The following HYAL1 variants were observed in gnomAD, a reference collection of about 807,000 sequenced individuals.
The protein encoded by HYAL1 is hyaluronidase-1.
In HYAL1, 21 loss-of-function variants were observed where a neutral mutation model predicts 28.8. The ratio of observed to expected loss-of-function variants is 0.73; its 90% CI spans 0.52 to 1.05. The LOEUF is 1.05. Among genes scored for constraint, HYAL1 ranks in the 50% least tolerant of loss-of-function variants. HYAL1 has a pLI of 0.00. For missense variants in HYAL1, 491 were observed against 579.2 expected, an observed-to-expected ratio of 0.85 and a Z score of 1.56; for synonymous variants, 200 against 230.1, an observed-to-expected ratio of 0.87 and a Z score of 1.18.
Position 50,300,457 on chromosome 3 carries a change from A to G in HYAL1, c.*26T>C, listed in dbSNP as rs199840894. On this transcript the variant is annotated 3_prime_UTR_variant, in exon 4 of 4. Transcript: ENST00000395144. Reference sequence around the variant, plus strand: ...AGACCCAGAGTGCATTAGGTTCTCAATATGTGCAACTCAGTGTGTGGCCAA... The same window carrying G: ...AGACCCAGAGTGCATTAGGTTCTCAGTATGTGCAACTCAGTGTGTGGCCAA... 4 of 1,613,048 alleles carry G rather than the reference A, an allele frequency of 2.5e-6. No homozygotes were observed. In the Admixed American group the frequency reaches 5.0e-5, roughly 20 times the overall value.
At chr3:50,305,629 G>A (rs936217149), upstream of HYAL1, among the ~76,000 whole-genome samples, 4 of 150,380 alleles carry the variant, frequency 2.7e-5, no homozygotes, top group East Asian at 1.9e-4. Flanking sequence ...TCTGGCTCCC[G>A]GGTTCAAGCG....
chr3:50,300,856 C>T (rs782454743), intron 3 of HYAL1, 56 bp from the exon 4 acceptor site: 46 of 1,580,802 alleles, frequency 2.9e-5, no homozygotes, highest in Non-Finnish European at 3.8e-5. Flanking sequence ...TGGACCCACC[C>T]AGGGCACTGA....
intron 3 of HYAL1, 46 bp downstream of exon 3, chr3:50,300,942 C>CGGGGGGGGGGGGGGGGGGGG: frequency 1.9e-6 from 1 of 535,866 alleles, no homozygotes; most frequent in Non-Finnish European, 3.6e-6. Context: ...AGCTTAATGG[C>CGGGGGGGGGGGGGGGGGGGG]CCCACCCCTC....
intron 2 of HYAL1, chr3:50,309,521 T>G (rs1460303290): frequency 1.3e-5 from 2 of 149,450 alleles, no homozygotes; most frequent in Non-Finnish European, 3.0e-5. Flanking sequence ...ATTGGAGGAA[T>G]TGATTATTTG....
Position 50,302,729 on chromosome 3 carries a change from G to T in HYAL1, c.228C>A (p.Ser76Arg), listed in dbSNP as rs782070711. 2 of 1,614,034 alleles carry T rather than the reference G, an allele frequency of 1.2e-6. No homozygotes were observed. Among genetic ancestry groups the T allele is most frequent in the South Asian group, 2.2e-5 (2 of 91,082 alleles). ...AGTAGGGGTAGGTGCCCAGCTGGGAGCTATAGAAAATTGTCATGTCAGGGC... is the reference window on the plus strand; with the variant it reads ...AGTAGGGGTAGGTGCCCAGCTGGGATCTATAGAAAATTGTCATGTCAGGGC... ...FRGPDMTIFY[S>R]SQLGTYPYYT... The change falls in exon 2 of 4, where the codon AGC (serine) becomes AGA (arginine). Residue 76 changes from serine (S) to arginine (R), a missense_variant. Ser to Arg is a moderately radical substitution (Grantham distance 110). Coordinates refer to ENST00000395144, the MANE Select transcript of HYAL1 (RefSeq NM_033159.4). The surrounding 1 kb of genome is among the most constrained non-coding windows in gnomAD (Gnocchi z 5.0).
upstream of HYAL1, among the ~76,000 whole-genome samples, chr3:50,307,264 C>T (rs1373215466): frequency 2.7e-5 from 4 of 150,326 alleles, no homozygotes. Flanking sequence ...ACTTGGGAGG[C>T]TGAGGCAGGA....
At chr3:50,304,297 ATATATATATATAT>A (rs1464742335), upstream of HYAL1, among the ~76,000 whole-genome samples, 63 of 14,766 alleles carry the variant, frequency 4.3e-3, 1 homozygote, top group Admixed American at 6.0e-3. Flanking sequence ...AAAAAAAAAA[ATATATATATATAT>A]ATATATATAT....
At position 50,302,482 on chromosome 3, in the gene HYAL1, G is replaced by T. The variant is rs1553713234; in HGVS notation, c.475C>A (p.His159Asn). ...ACCTGAGGAGCTGGCCAATCAGGGT[G>T]CTGTGCCTGTACCAGTGCCCGTGAG... ...QRSRALVQAQ[H>N]PDWPAPQVEA... Residue 159 changes from histidine (H) to asparagine (N), a missense_variant, in exon 2 of 4, where the codon CAC becomes AAC. His to Asn is a moderately conservative substitution (Grantham distance 68). Coordinates refer to ENST00000395144, the MANE Select transcript of HYAL1 (RefSeq NM_033159.4). The surrounding 1 kb of genome is among the most constrained non-coding windows in gnomAD (Gnocchi z 5.0). 1.2e-6 allele frequency: 2 copies of T among 1,614,038 alleles called. No homozygotes were observed. The highest frequency in any genetic ancestry group is 1.7e-6 in the Non-Finnish European group (2 of 1,180,020).
In HYAL1 at chr3:50,300,325, A is replaced by G; in HGVS notation, c.*158T>C. On this transcript the variant is annotated 3_prime_UTR_variant, in exon 4 of 4. Transcript: ENST00000395144. ...TCCTTATGCCACTATTCCAGTCTGT[A>G]AGTATGCATGTGTGTGCAGGGAATA... 1.4e-6 allele frequency: 1 copy of G among 729,526 alleles called. No individual in the cohort carries two copies. Among genetic ancestry groups the G allele is most frequent in the Non-Finnish European group, 2.4e-6 (1 of 415,180 alleles). 45.2% of individuals were successfully genotyped at this position (729,526 alleles called of 1,614,324 possible).
In HYAL1 at chr3:50,311,297, C is replaced by T. The variant is rs1458343902; in HGVS notation, c.-310+967G>A. Among the ~76,000 whole-genome samples the T allele has an allele frequency of 6.2e-5, 8 of 128,564 alleles. 1 individual carries two copies. The highest frequency in any genetic ancestry group is 1.1e-4 in the African/African-American group (4 of 35,228). The allele number at this position is 128,564 out of a possible 152,430, so 84.3% of individuals were successfully genotyped here. ...CCCCCAACCTCCTTCCCGGACGGGG[C>T]GGCTGGCCGGGCGGGGGGCTGACCC... is the stretch of plus-strand genomic sequence containing the variant. On this transcript the variant is annotated intron_variant, in intron 1 of 5. Coordinates refer to the HYAL1 transcript ENST00000320295.
chr3:50,311,900 C>A (rs1415337703), intron 1 of HYAL1, among the ~76,000 whole-genome samples: 1 of 141,014 alleles, frequency 7.1e-6, no homozygotes, highest in Non-Finnish European at 1.5e-5. Context: ...GGGGGCTGAT[C>A]CCCCCTCCCC....
At chr3:50,306,835 G>C (rs1220060599), upstream of HYAL1, among the ~76,000 whole-genome samples, 1 of 150,578 alleles carries the variant, frequency 6.6e-6, no homozygotes, top group African/African-American at 2.5e-5. Context: ...GCAGTGAGCC[G>C]AGATCATGCT....
rs782643536 is a variant in HYAL1 at position 50,302,440 on chromosome 3, C to T, written c.517G>A (p.Asp173Asn). 1.4e-5 allele frequency: 23 copies of T among 1,613,816 alleles called. No individual in the cohort carries two copies. The highest frequency in any genetic ancestry group is 4.2e-6 in the Non-Finnish European group (5 of 1,179,936). ...PAPQVEAVAQ[D>N]QFQGAARAWM... Reference sequence around the variant, plus strand: ...GCCCGTGCAGCTCCCTGGAACTGGTCCTGGGCTACTGCCTCCACCTGAGGA... The same window carrying T: ...GCCCGTGCAGCTCCCTGGAACTGGTTCTGGGCTACTGCCTCCACCTGAGGA... The change falls in exon 2 of 4, where the codon GAC (aspartate) becomes AAC (asparagine). Residue 173 changes from aspartate to asparagine, a missense_variant. Asp to Asn is a conservative substitution (Grantham distance 23, BLOSUM62 1). Coordinates refer to ENST00000395144, the MANE Select transcript of HYAL1 (RefSeq NM_033159.4). The surrounding 1 kb of genome is among the most constrained non-coding windows in gnomAD (Gnocchi z 5.0).
intron 2 of HYAL1, among the ~76,000 whole-genome samples, chr3:50,308,964 C>T (rs1226601493): frequency 1.3e-5 from 2 of 148,362 alleles, no homozygotes; most frequent in East Asian, 2.0e-4. Context: ...CTCCTGACCT[C>T]GTGATCTGCC....
chr3:50,303,511 T>TG lies in HYAL1; in HGVS notation c.-71dup, dbSNP rs1473362024. ...TCCTCCAAATTTCCTGACCCCAGGA[T>TG]GGGGGCCTAAGCAGGGCCTGGCCAG... On this transcript the variant is annotated 5_prime_UTR_variant, in exon 1 of 4. Coordinates refer to ENST00000395144, the MANE Select transcript of HYAL1 (RefSeq NM_033159.4). 6.6e-6 allele frequency: 1 copy of TG among 152,478 alleles called. No individual in the cohort carries two copies. Among genetic ancestry groups the TG allele is most frequent in the Admixed American group, 6.5e-5 (1 of 15,296 alleles). The allele number at this position is 152,478 out of a possible 1,614,324, so 9.4% of individuals were successfully genotyped here.
intron 1 of HYAL1, chr3:50,309,821 G>GC (rs1316032416): frequency 2.6e-5 from 4 of 151,386 alleles, no homozygotes; most frequent in Non-Finnish European, 5.9e-5. Context: ...AGGCACAGAG[G>GC]CCCCAGGTTT....
rs1553713020 is a variant in HYAL1, at chr3:50,302,021, C to A, written c.900+36G>T. The A allele has an allele frequency of 6.2e-7, 1 of 1,607,988 alleles. No homozygotes were observed. The highest frequency in any genetic ancestry group is 1.1e-5 in the South Asian group (1 of 90,924). On this transcript the variant is annotated intron_variant, in intron 2 of 3. Transcript: ENST00000395144. This position sits in a 1 kb window ranked among gnomAD's most constrained non-coding sequence, Gnocchi z 5.0. ...AGGCTGGACCTAATATCTGACAAGG[C>A]AGGTTGACAAGGTGGGCAGGTTACA...
Position 50,302,464 on chromosome 3 carries a change from G to A in HYAL1, c.493C>T (p.Pro165Ser), listed in dbSNP as rs782298830. The A allele has an allele frequency of 6.2e-7, 1 of 1,614,096 alleles. No individual in the cohort carries two copies. The highest frequency in any genetic ancestry group is 1.7e-5 in the Admixed American group (1 of 60,028). The change falls in exon 2 of 4, where the codon CCT becomes TCT. Residue 165 changes from proline (P) to serine (S), a missense_variant. Pro to Ser is a moderately conservative substitution (Grantham distance 74). Transcript: ENST00000395144. The surrounding 1 kb of genome is among the most constrained non-coding windows in gnomAD (Gnocchi z 5.0). ...TCCTGGGCTACTGCCTCCACCTGAG[G>A]AGCTGGCCAATCAGGGTGCTGTGCC... ...VQAQHPDWPAPQVEAVAQDQF... is the reference protein window; with the variant it reads ...VQAQHPDWPASQVEAVAQDQF...
At chr3:50,301,628 A>ACGAAG in intron 2 of HYAL1, among the ~76,000 whole-genome samples, 1 of 149,464 alleles carries the variant, frequency 6.7e-6, no homozygotes, top group African/African-American at 2.5e-5. Context: ...AAAAAAAAAA[A>ACGAAG]AAAAAAGGAT....
Sources: gnomAD v4.1 joint callset for allele counts (sites outside exome capture counted in the v4.1 genomes callset) on GRCh38, gnomAD v4.1.1 for gene constraint, Gnocchi (gnomAD v3.1) non-coding constraint, MANE v1.5 for transcripts, NCBI Gene and HGNC (gene_info 2026-07-23, HGNC 2026-07-21) for gene names.